The following BMAL1 variants were observed in gnomAD, a reference collection of about 807,000 sequenced individuals.
The protein encoded by BMAL1 is basic helix-loop-helix ARNT like 1.
At chr11:13,383,163 C>T in the BMAL1 span, among the ~76,000 whole-genome samples, 2 of 152,128 alleles carry the variant, frequency 1.3e-5, no homozygotes, top group Admixed American at 6.6e-5. Flanking sequence ...ACCATTTAGC[C>T]TGCAGTTGTT....
the BMAL1 span, chr11:13,350,006 G>A: frequency 6.6e-6 from 1 of 152,234 alleles, no homozygotes; most frequent in African/African-American, 2.4e-5. Context: ...GCTTTGAGGT[G>A]ACCAAGTCCA....
chr11:13,309,815 G>A, the BMAL1 span, among the ~76,000 whole-genome samples: 3 of 152,096 alleles, frequency 2.0e-5, 1 homozygote, highest in Admixed American at 2.0e-4. Context: ...GGGGTGCCTG[G>A]CCTGCCTGGA....
chr11:13,369,526 C>T, the BMAL1 span: 1 of 1,442,516 alleles, frequency 6.9e-7, no homozygotes, highest in South Asian at 1.2e-5. Context: ...AACAGTGAGG[C>T]AGGCAAGAAA....
chr11:13,386,468 C>CA, the BMAL1 span: 2 of 1,007,462 alleles, frequency 2.0e-6, no homozygotes. Context: ...CCATGCAGCC[C>CA]AAAAAGCAGC....
chr11:13,302,130 G>A, the BMAL1 span, among the ~76,000 whole-genome samples: 1 of 152,204 alleles, frequency 6.6e-6, no homozygotes, highest in Admixed American at 6.5e-5. Context: ...AGGAGGGTTT[G>A]GTGAGAGCCG....
chr11:13,322,814 G>C, the BMAL1 span, among the ~76,000 whole-genome samples: 1 of 132,294 alleles, frequency 7.6e-6, no homozygotes, highest in Non-Finnish European at 1.6e-5. Context: ...TTTTGAGAGA[G>C]GGTCTTGCTC....
chr11:13,285,450 C>A, the BMAL1 span, among the ~76,000 whole-genome samples: 1 of 152,080 alleles, frequency 6.6e-6, no homozygotes, highest in African/African-American at 2.4e-5. Context: ...GCTAGGATAG[C>A]AAGCAAATAG....
the BMAL1 span, among the ~76,000 whole-genome samples, chr11:13,352,448 A>C: frequency 1.3e-5 from 2 of 152,252 alleles, no homozygotes; most frequent in Non-Finnish European, 2.9e-5. Flanking sequence ...AAAGAGAAAA[A>C]GCAACATCAG....
At chr11:13,369,903 G>A in the BMAL1 span, 1 of 1,115,454 alleles carries the variant, frequency 9.0e-7, no homozygotes, top group Non-Finnish European at 1.3e-6. Context: ...ACAGGACCCT[G>A]CAGTCCTCCC....
chr11:13,325,489 C>T, the BMAL1 span, among the ~76,000 whole-genome samples: 3 of 151,084 alleles, frequency 2.0e-5, no homozygotes, highest in East Asian at 3.9e-4. Flanking sequence ...AGACTGTGCT[C>T]AAGTTCCAGG....
At chr11:13,337,774 G>T in the BMAL1 span, among the ~76,000 whole-genome samples, 1 of 152,052 alleles carries the variant, frequency 6.6e-6, no homozygotes, top group Non-Finnish European at 1.5e-5. Flanking sequence ...TTCCACTGAG[G>T]TATTTGCCTT....
the BMAL1 span, among the ~76,000 whole-genome samples, chr11:13,298,691 G>A: frequency 3.3e-5 from 5 of 152,080 alleles, no homozygotes; most frequent in Non-Finnish European, 5.9e-5. Flanking sequence ...TATTGGGTAC[G>A]GTGCTTAGCA....
At chr11:13,309,303 G>A in the BMAL1 span, among the ~76,000 whole-genome samples, 117 of 152,182 alleles carry the variant, frequency 7.7e-4, 1 homozygote, top group African/African-American at 2.7e-3. Flanking sequence ...TCTATCGGGG[G>A]AAACCATGCA....
At chr11:13,329,886 C>T in the BMAL1 span, among the ~76,000 whole-genome samples, 1 of 152,220 alleles carries the variant, frequency 6.6e-6, no homozygotes, top group South Asian at 2.1e-4. Context: ...GCATCTGACT[C>T]ACCTGTCATG....
At chr11:13,330,226 A>G in the BMAL1 span, among the ~76,000 whole-genome samples, 4 of 152,342 alleles carry the variant, frequency 2.6e-5, no homozygotes, top group South Asian at 8.3e-4. Context: ...CCGCCTTTCA[A>G]GTAGGTCCTT....
chr11:13,370,979 C>T, the BMAL1 span, among the ~76,000 whole-genome samples: 1 of 152,188 alleles, frequency 6.6e-6, no homozygotes, highest in Non-Finnish European at 1.5e-5. Flanking sequence ...ATGGCTCTCT[C>T]CAACCTCAGA....
At chr11:13,293,639 T>G in the BMAL1 span, among the ~76,000 whole-genome samples, 1 of 152,218 alleles carries the variant, frequency 6.6e-6, no homozygotes, top group Non-Finnish European at 1.5e-5. Context: ...AAGGTTCTGC[T>G]CTCCACTGGT....
the BMAL1 span, among the ~76,000 whole-genome samples, chr11:13,301,543 G>A: frequency 6.6e-6 from 1 of 152,148 alleles, no homozygotes; most frequent in Non-Finnish European, 1.5e-5. Flanking sequence ...TGGGGCTAAG[G>A]GGCAGGAGAA....
the BMAL1 span, among the ~76,000 whole-genome samples, chr11:13,297,206 T>C: frequency 0.93 from 141,378 of 152,272 alleles, 66,145 homozygotes; most frequent in East Asian, 1. Flanking sequence ...GCTGGAGCCC[T>C]GCTGCTCCCC....
Sources: allele counts gnomAD v4.1 joint callset (sites outside exome capture counted in the v4.1 genomes callset), GRCh38; gene constraint gnomAD v4.1.1; transcripts MANE v1.5; gene names NCBI Gene and HGNC (gene_info 2026-07-23, HGNC 2026-07-21).